GALNT17: variants seen among roughly 807,000 people sequenced by gnomAD.
GALNT17 encodes the protein polypeptide N-acetylgalactosaminyltransferase 17.
Under a neutral mutation model 63.7 loss-of-function variants are expected in GALNT17, and 29 were observed. The ratio of observed to expected loss-of-function variants is 0.46; its 90% CI spans 0.34 to 0.62. The LOEUF (loss-of-function observed/expected upper bound fraction) is 0.62. GALNT17 is among the 20% of genes least tolerant of loss of function. The pLI, the probability that GALNT17 is intolerant of heterozygous loss-of-function variation, is 0.01. For missense variants in GALNT17, 603 were observed against 799.6 expected, an observed-to-expected ratio of 0.75 and a Z score of 2.97; for synonymous variants, 305 against 318.3, an observed-to-expected ratio of 0.96 and a Z score of 0.45.
intron 1 of GALNT17, among the ~76,000 whole-genome samples, chr7:71,205,535 A>G (rs1370637174): frequency 6.6e-6 from 1 of 152,056 alleles, no homozygotes; most frequent in African/African-American, 2.4e-5. Flanking sequence ...CCATCCTTCC[A>G]TCACAGCCAC....
intron 1 of GALNT17, among the ~76,000 whole-genome samples, chr7:71,322,872 G>A (rs1279686854): frequency 6.6e-6 from 1 of 151,964 alleles, no homozygotes; most frequent in East Asian, 1.9e-4. Context: ...CTTAATCTTG[G>A]ACTTCCCAGC....
chr7:71,187,440 G>A (rs745614951), intron 1 of GALNT17, among the ~76,000 whole-genome samples: 56 of 152,044 alleles, frequency 3.7e-4, no homozygotes, highest in Admixed American at 1.3e-4. Context: ...AAACTTGAGA[G>A]GAACCGGTGG....
intron 5 of GALNT17, among the ~76,000 whole-genome samples, chr7:71,475,168 A>C (rs1583985415): frequency 6.6e-6 from 1 of 152,208 alleles, no homozygotes; most frequent in East Asian, 1.9e-4. Flanking sequence ...GTCCCCAACC[A>C]TGTTGGCACC....
At chr7:71,301,752 A>T (rs1791203199) in intron 1 of GALNT17, among the ~76,000 whole-genome samples, 2 of 152,328 alleles carry the variant, frequency 1.3e-5, no homozygotes, top group South Asian at 4.1e-4. Flanking sequence ...TACCACAAAA[A>T]AAACTAAACG....
chr7:71,159,014 A>G (rs1343281547), intron 1 of GALNT17, among the ~76,000 whole-genome samples: 1 of 151,736 alleles, frequency 6.6e-6, no homozygotes, highest in Non-Finnish European at 1.5e-5. Flanking sequence ...GGTGTTTCCT[A>G]TATCAGCTTA....
At position 71,508,800 on chromosome 7, in the gene GALNT17, G is replaced by C. The variant is rs115574777; in HGVS notation, c.963-62485G>C. ...CCCCAGTGACAGACTTCACACCCAG[G>C]AGCTCCCTGGTTGTGGGGCCGCTGG... On this transcript the variant is annotated intron_variant, in intron 5 of 10. Coordinates refer to ENST00000333538, the MANE Select transcript of GALNT17 (RefSeq NM_022479.3). Among the ~76,000 whole-genome samples, 754 of 152,222 alleles carry C rather than the reference G, an allele frequency of 5.0e-3. 12 individuals carry two copies. Among genetic ancestry groups the C allele is most frequent in the African/African-American group, 0.017 (720 of 41,534 alleles).
intron 2 of GALNT17, among the ~76,000 whole-genome samples, chr7:71,384,376 G>A (rs1299553921): frequency 6.6e-6 from 1 of 152,142 alleles, no homozygotes; most frequent in East Asian, 1.9e-4. Context: ...ATGTGAAGAT[G>A]GGTATGTCCA....
chr7:71,413,224 C>T (rs920252013), intron 3 of GALNT17, among the ~76,000 whole-genome samples: 1 of 152,106 alleles, frequency 6.6e-6, no homozygotes, highest in South Asian at 2.1e-4. Context: ...ACTTAAACAA[C>T]TTTTTCCGTT....
chr7:71,681,425 G>A (rs1009033190), intron 9 of GALNT17, among the ~76,000 whole-genome samples: 2 of 152,206 alleles, frequency 1.3e-5, no homozygotes, highest in Non-Finnish European at 2.9e-5. Flanking sequence ...AGATGGCCAA[G>A]AGTTGGATAT....
At chr7:71,177,246 C>G (rs1788656106) in intron 1 of GALNT17, among the ~76,000 whole-genome samples, 1 of 152,176 alleles carries the variant, frequency 6.6e-6, no homozygotes, top group South Asian at 2.1e-4. Flanking sequence ...CTAACCTCCC[C>G]TTCCACCTTG....
intron 6 of GALNT17, among the ~76,000 whole-genome samples, chr7:71,600,506 T>A (rs1382208457): frequency 2.6e-5 from 4 of 151,992 alleles, no homozygotes; most frequent in Admixed American, 6.6e-5. Flanking sequence ...TGCCCAGTGG[T>A]CTGAGTGCTC....
chr7:71,228,853 A>G (rs368410029), intron 1 of GALNT17, among the ~76,000 whole-genome samples: 1 of 152,260 alleles, frequency 6.6e-6, no homozygotes, highest in East Asian at 1.9e-4. Context: ...ATTACCATTC[A>G]TGGGTTCCAG....
intron 4 of GALNT17, among the ~76,000 whole-genome samples, chr7:71,418,594 G>A (rs369032974): frequency 6.6e-6 from 1 of 152,190 alleles, no homozygotes; most frequent in Non-Finnish European, 1.5e-5. Context: ...CTGCTCTGAT[G>A]TGACACCGTC....
chr7:71,291,876 C>G (rs7458060), intron 1 of GALNT17, among the ~76,000 whole-genome samples: 1 of 151,970 alleles, frequency 6.6e-6, no homozygotes, highest in African/African-American at 2.4e-5. Flanking sequence ...AAATTCTTTT[C>G]TGTTTTCTGG....
intron 1 of GALNT17, among the ~76,000 whole-genome samples, chr7:71,189,057 C>T (rs1009753564): frequency 6.6e-6 from 1 of 152,158 alleles, no homozygotes; most frequent in African/African-American, 2.4e-5. Context: ...GCTGTGTTCC[C>T]ACCCAAGTCT....
intron 5 of GALNT17, among the ~76,000 whole-genome samples, chr7:71,487,119 G>A (rs1787924893): frequency 6.6e-6 from 1 of 152,178 alleles, no homozygotes; most frequent in Admixed American, 6.5e-5. Context: ...ACTGGCTGAG[G>A]CATCTGTTGG....
At position 71,537,929 on chromosome 7, in the gene GALNT17, C is replaced by G. The variant is rs150964626; in HGVS notation, c.963-33356C>G. 2.6e-3 allele frequency among the ~76,000 whole-genome samples: 403 copies of G among 152,240 alleles called. 1 individual carries two copies. Among genetic ancestry groups the G allele is most frequent in the South Asian group, 7.1e-3 (34 of 4,812 alleles). On this transcript the variant is annotated intron_variant, in intron 5 of 10. Transcript: ENST00000333538. ...TATGTGATCACAGATCAAGGAATTC[C>G]TGTGGCCACCAGAGACTACAAGAGC...
chr7:71,694,612 T>C (rs1281375429), intron 9 of GALNT17, among the ~76,000 whole-genome samples: 2 of 152,180 alleles, frequency 1.3e-5, no homozygotes, highest in East Asian at 1.9e-4. Flanking sequence ...GCCAGGCTGG[T>C]CTCAAACTTC....
intron 7 of GALNT17, among the ~76,000 whole-genome samples, chr7:71,668,341 A>T (rs1419500874): frequency 1.3e-5 from 2 of 151,602 alleles, no homozygotes; most frequent in East Asian, 3.9e-4. Flanking sequence ...ACATGGAGAA[A>T]CCCTGTCTCC....
Sources: gnomAD v4.1 joint callset for allele counts (sites outside exome capture counted in the v4.1 genomes callset) on GRCh38, gnomAD v4.1.1 for gene constraint, MANE v1.5 for transcripts, NCBI Gene and HGNC (gene_info 2026-07-23, HGNC 2026-07-21) for gene names.